The following CCDC146 variants were observed in gnomAD, a reference collection of about 807,000 sequenced individuals.
CCDC146 encodes coiled-coil domain containing 146, also known as coiled-coil domain-containing protein 146.
Under a neutral mutation model 119.3 loss-of-function variants are expected in CCDC146, and 92 were observed. The observed-to-expected ratio is 0.77, with a 90% CI of 0.65 to 0.92. The LOEUF (loss-of-function observed/expected upper bound fraction) is 0.92, where lower values mean the gene tolerates loss of function less well. Among genes scored for constraint, CCDC146 ranks in the 40% least tolerant of loss-of-function variants. CCDC146 has a pLI of 0.00. For missense variants in CCDC146, 1,000 were observed against 1,103.0 expected, an observed-to-expected ratio of 0.91 and a Z score of 1.32; for synonymous variants, 372 against 371.8, an observed-to-expected ratio of 1.00 and a Z score of -0.01.
chr7:77,160,113 G>A (rs1791236291), intron 1 of CCDC146, among the ~76,000 whole-genome samples: 1 of 152,146 alleles, frequency 6.6e-6, no homozygotes, highest in Non-Finnish European at 1.5e-5. Context: ...GCTCTATTCT[G>A]TTCCATTGAT....
chr7:77,293,335 T>A, intron 18 of CCDC146, 135 bp downstream of exon 18: 1 of 922,664 alleles, frequency 1.1e-6, no homozygotes, highest in Non-Finnish European at 1.6e-6. Flanking sequence ...GTTAGAAGTG[T>A]ATTTAAGATA....
At chr7:77,145,949 C>A (rs1397640379) in intron 1 of CCDC146, among the ~76,000 whole-genome samples, 6 of 151,972 alleles carry the variant, frequency 3.9e-5, no homozygotes, top group Non-Finnish European at 7.4e-5. Flanking sequence ...TGGTGCAGAG[C>A]TGAGTTCAAT....
chr7:77,200,732 G>A (rs1246482586), intron 2 of CCDC146, among the ~76,000 whole-genome samples: 1 of 152,174 alleles, frequency 6.6e-6, no homozygotes, highest in Non-Finnish European at 1.5e-5. Context: ...ATATCAGCTT[G>A]TTCAAAACAT....
intron 8 of CCDC146, 133 bp downstream of exon 8, chr7:77,260,369 A>C (rs183652072): frequency 4.8e-6 from 3 of 626,152 alleles, no homozygotes; most frequent in Admixed American, 7.0e-5. Flanking sequence ...TTTTACCCTT[A>C]ATATATTATC....
intron 4 of CCDC146, among the ~76,000 whole-genome samples, chr7:77,246,964 A>G (rs1317127910): frequency 6.6e-6 from 1 of 152,214 alleles, no homozygotes; most frequent in Non-Finnish European, 1.5e-5. Flanking sequence ...ATATCTACCC[A>G]GTAGAAAACC....
intron 1 of CCDC146, among the ~76,000 whole-genome samples, chr7:77,150,593 G>C (rs6964325): frequency 6.6e-6 from 1 of 152,116 alleles, no homozygotes; most frequent in African/African-American, 2.4e-5. Flanking sequence ...CGGGAACCCT[G>C]GTACGTTATT....
rs562383811 is a variant in CCDC146 at position 77,186,515 on chromosome 7, G to A, written c.156+18691G>A. 1.1e-4 allele frequency among the ~76,000 whole-genome samples: 17 copies of A among 152,118 alleles called. No homozygotes were observed. In the South Asian group the frequency reaches 2.7e-3, roughly 24 times the overall value. On this transcript the variant is annotated intron_variant, in intron 2 of 18. Transcript: ENST00000285871. Reference sequence around the variant, plus strand: ...GAAAGGGTAGTGGGGAGGGCAGGGGGTAAGTGAGGATGGTTAATGAGTACA... The same window carrying A: ...GAAAGGGTAGTGGGGAGGGCAGGGGATAAGTGAGGATGGTTAATGAGTACA...
rs1790745143 is a variant in CCDC146 at position 77,128,897 on chromosome 7, CT to C, written c.-12+6169del. The stretch of plus-strand genomic sequence containing the variant: ...GCAAAATCTTTAAGACAGCCTGATC[CT>C]TTTGGCCATAACAAAAGGGGCCCAC... On this transcript the variant is annotated intron_variant, in intron 1 of 18. Transcript: ENST00000285871. Among the ~76,000 whole-genome samples, 2 of 152,078 alleles carry C rather than the reference CT, an allele frequency of 1.3e-5. 1 individual carries two copies. Among genetic ancestry groups the C allele is most frequent in the African/African-American group, 4.8e-5 (2 of 41,324 alleles).
At chr7:77,132,722 G>C (rs1790802987) in intron 1 of CCDC146, among the ~76,000 whole-genome samples, 1 of 151,956 alleles carries the variant, frequency 6.6e-6, no homozygotes, top group Non-Finnish European at 1.5e-5. Context: ...GGGTGACAAA[G>C]TGAGTCTCTG....
chr7:77,254,672 C>T (rs3114319), intron 5 of CCDC146, 109 bp downstream of exon 5: 470,558 of 610,468 alleles, frequency 0.77, 189,487 homozygotes, highest in Non-Finnish European at 0.86. Context: ...ATTTTAAAGA[C>T]TCTAAAGTCT....
chr7:77,213,445 G>A (rs377603405), intron 2 of CCDC146, among the ~76,000 whole-genome samples: 80 of 152,146 alleles, frequency 5.3e-4, no homozygotes, highest in African/African-American at 1.8e-3. Flanking sequence ...GGGTTAATTA[G>A]CATAGCTGTC....
chr7:77,213,510 T>C (rs959530887), intron 2 of CCDC146, among the ~76,000 whole-genome samples: 6 of 152,220 alleles, frequency 3.9e-5, no homozygotes, highest in Non-Finnish European at 7.3e-5. Context: ...AGAGGTTATA[T>C]GTACAGGTTT....
intron 15 of CCDC146, among the ~76,000 whole-genome samples, chr7:77,283,875 T>C (rs59674745): frequency 0.099 from 15,074 of 152,222 alleles, 940 homozygotes; most frequent in South Asian, 0.19. Context: ...AATATGCCAA[T>C]GTTCTGATTC....
intron 4 of CCDC146, 42 bp downstream of exon 4, chr7:77,241,942 C>T (rs1333161310): frequency 1.4e-6 from 2 of 1,477,992 alleles, no homozygotes; most frequent in African/African-American, 1.4e-5. Context: ...AAGTCTTTTC[C>T]TCATAAATAG....
At chr7:77,171,796 A>G (rs1791426585) in intron 2 of CCDC146, among the ~76,000 whole-genome samples, 2 of 152,266 alleles carry the variant, frequency 1.3e-5, no homozygotes, top group African/African-American at 4.8e-5. Flanking sequence ...GTTTATTTGT[A>G]GCAAAAGTTA....
intron 2 of CCDC146, chr7:77,199,273 T>TGG: frequency 6.2e-7 from 1 of 1,614,096 alleles, no homozygotes; most frequent in Non-Finnish European, 8.5e-7. Flanking sequence ...CACTTTGCTG[T>TGG]CAACATAATT....
chr7:77,150,202 C>A, intron 1 of CCDC146, among the ~76,000 whole-genome samples: 2 of 149,834 alleles, frequency 1.3e-5, no homozygotes, highest in East Asian at 1.9e-4. Flanking sequence ...AAGTGTGAAC[C>A]ACAAAAGAAA....
At chr7:77,290,608 C>G (rs1303198664) in intron 17 of CCDC146, among the ~76,000 whole-genome samples, 1 of 152,164 alleles carries the variant, frequency 6.6e-6, no homozygotes, top group Non-Finnish European at 1.5e-5. Context: ...ACTGTTCAGT[C>G]TGTTAGTGGA....
chr7:77,191,866 T>C (rs1791772258), intron 2 of CCDC146, among the ~76,000 whole-genome samples: 1 of 151,876 alleles, frequency 6.6e-6, no homozygotes, highest in African/African-American at 2.4e-5. Context: ...GCCGAGATGG[T>C]GCTACTGCAC....
Sources: gnomAD v4.1 joint callset for allele counts (sites outside exome capture counted in the v4.1 genomes callset) on GRCh38, gnomAD v4.1.1 for gene constraint, MANE v1.5 for transcripts, NCBI Gene and HGNC (gene_info 2026-07-23, HGNC 2026-07-21) for gene names.